ADAMTS20: variants seen among roughly 807,000 people sequenced by gnomAD.
ADAMTS20 encodes ADAM metallopeptidase with thrombospondin type 1 motif 20.
ADAMTS20 carries 225 observed loss-of-function variants against 260.1 expected under a neutral mutation model. The ratio of observed to expected loss-of-function variants is 0.87; its 90% CI spans 0.78 to 0.97. The LOEUF (loss-of-function observed/expected upper bound fraction) is 0.97, where lower values mean the gene tolerates loss of function less well. Among genes scored for constraint, ADAMTS20 ranks in the 50% least tolerant of loss-of-function variants. ADAMTS20 has a pLI of 0.00. For missense variants in ADAMTS20, 2,400 were observed against 2,337.7 expected (o/e 1.03, Z -0.55); for synonymous variants, 802 against 769.5 (o/e 1.04, Z -0.70).
intron 3 of ADAMTS20, among the ~76,000 whole-genome samples, chr12:43,522,995 G>T (rs1016592771): frequency 1.3e-5 from 2 of 152,172 alleles, no homozygotes; most frequent in Non-Finnish European, 2.9e-5. Flanking sequence ...ATCAGAAAAA[G>T]ATATCACTTT....
At chr12:43,470,611 C>G (rs1046398588) in intron 7 of ADAMTS20, among the ~76,000 whole-genome samples, 10 of 152,178 alleles carry the variant, frequency 6.6e-5, no homozygotes, top group Admixed American at 5.9e-4. Context: ...AAGCTTGATA[C>G]AGGTTCCCTG....
chr12:43,411,510 G>A (rs1415741144), intron 28 of ADAMTS20, among the ~76,000 whole-genome samples: 1 of 152,090 alleles, frequency 6.6e-6, no homozygotes, highest in Non-Finnish European at 1.5e-5. Context: ...TGGGATTACA[G>A]GCGCCCACCA....
intron 28 of ADAMTS20, among the ~76,000 whole-genome samples, chr12:43,411,585 C>A (rs1011698012): frequency 6.6e-6 from 1 of 152,004 alleles, no homozygotes; most frequent in Non-Finnish European, 1.5e-5. Flanking sequence ...CCAGGCTGGT[C>A]TTGAACTTCT....
chr12:43,358,904 A>G (rs1347997374), intron 37 of ADAMTS20, among the ~76,000 whole-genome samples: 5 of 151,828 alleles, frequency 3.3e-5, no homozygotes, highest in Admixed American at 3.3e-4. Context: ...GTACTTATAC[A>G]TTCCTATAGG....
rs1233297640 is a variant in ADAMTS20, at chr12:43,502,325, CTCTT to C, written c.690_693del (p.Arg231PhefsTer2). On this transcript the variant is annotated frameshift_variant, in exon 4 of 39. Transcript: ENST00000389420. LOFTEE classifies it high-confidence loss of function. The stretch of plus-strand genomic sequence containing the variant: ...ACATTTTTTGATGTGTGTCCTAAAA[CTCTT>C]TCTTTCATTACATTAAGATCTTCAT... The C allele has an allele frequency of 4.3e-6, 7 of 1,610,786 alleles. No homozygotes were observed. Among genetic ancestry groups the C allele is most frequent in the Non-Finnish European group, 5.9e-6 (7 of 1,178,976 alleles).
At chr12:43,532,553 A>ATTT (rs1592113547) in intron 2 of ADAMTS20, among the ~76,000 whole-genome samples, 1 of 71,858 alleles carries the variant, frequency 1.4e-5, no homozygotes, top group South Asian at 4.8e-4. Context: ...TTTTTTTTTA[A>ATTT]TGTTTTTTTT....
intron 31 of ADAMTS20, among the ~76,000 whole-genome samples, chr12:43,378,421 C>T (rs1000570028): frequency 6.6e-6 from 1 of 152,156 alleles, no homozygotes; most frequent in Non-Finnish European, 1.5e-5. Flanking sequence ...AATATAGTGC[C>T]TATTCCCTCC....
intron 24 of ADAMTS20, 74 bp from the exon 25 acceptor site, chr12:43,428,873 A>G: frequency 7.5e-7 from 1 of 1,326,254 alleles, no homozygotes; most frequent in Non-Finnish European, 1.0e-6. Context: ...CATAGCTGTT[A>G]CTCACATTTC....
At chr12:43,514,433 G>A (rs546314493) in intron 3 of ADAMTS20, among the ~76,000 whole-genome samples, 3 of 151,526 alleles carry the variant, frequency 2.0e-5, no homozygotes, top group African/African-American at 2.4e-5. Flanking sequence ...GTAGTGGCGC[G>A]TGCCTGTAAT....
intron 3 of ADAMTS20, among the ~76,000 whole-genome samples, chr12:43,509,493 CAG>C (rs1379796869): frequency 6.7e-6 from 1 of 150,202 alleles, no homozygotes; most frequent in Non-Finnish European, 1.5e-5. Context: ...GAACACACAA[CAG>C]TGTTAATAAA....
chr12:43,453,466 G>A (rs1374499478), intron 12 of ADAMTS20, among the ~76,000 whole-genome samples: 1 of 152,000 alleles, frequency 6.6e-6, no homozygotes, highest in Non-Finnish European at 1.5e-5. Flanking sequence ...TATAACACAA[G>A]AAGCAGAGAA....
intron 18 of ADAMTS20, among the ~76,000 whole-genome samples, chr12:43,438,080 G>T (rs1397286471): frequency 6.6e-6 from 1 of 152,012 alleles, no homozygotes; most frequent in Non-Finnish European, 1.5e-5. Context: ...CAAAAAAAGG[G>T]AATATAATCA....
chr12:43,479,875 T>C (rs1199076190), intron 7 of ADAMTS20, among the ~76,000 whole-genome samples: 2 of 151,946 alleles, frequency 1.3e-5, no homozygotes, highest in Non-Finnish European at 1.5e-5. Context: ...AAATAGTTGG[T>C]TCATTAAAAA....
Position 43,551,772 on chromosome 12 carries a change from G to T in ADAMTS20, c.91+59C>A. ...AGCCGCTCGTCCCCGCGACCTGCAT[G>T]TCCCACTCGGGCCCCGCGCCCCCAC... On this transcript the variant is annotated intron_variant, in intron 1 of 38. Coordinates refer to ENST00000389420, the MANE Select transcript of ADAMTS20 (RefSeq NM_025003.5). This position sits in a 1 kb window ranked among gnomAD's most constrained non-coding sequence, Gnocchi z 4.6. 6.5e-7 allele frequency: 1 copy of T among 1,550,134 alleles called. No individual in the cohort carries two copies.
intron 5 of ADAMTS20, 150 bp from the exon 6 acceptor site, chr12:43,492,779 C>T (rs777897242): frequency 1.9e-5 from 16 of 855,122 alleles, no homozygotes; most frequent in African/African-American, 3.4e-5. Flanking sequence ...TTAACTATAA[C>T]GTATTTTAGC....
chr12:43,539,109 C>T (rs275376), intron 2 of ADAMTS20, among the ~76,000 whole-genome samples: 47,964 of 151,838 alleles, frequency 0.32, 8,982 homozygotes, highest in Non-Finnish European at 0.42. Context: ...CCTGCCACCG[C>T]GCCCAGGTAA....
intron 7 of ADAMTS20, among the ~76,000 whole-genome samples, chr12:43,485,110 AAG>A (rs1565568255): frequency 2.2e-5 from 3 of 135,702 alleles, no homozygotes; most frequent in Admixed American, 7.5e-5. Context: ...AAAAAAAAAA[AAG>A]CAACAACAAC....
intron 36 of ADAMTS20, among the ~76,000 whole-genome samples, chr12:43,370,457 GGCATTTGTGGATTAT>G (rs1940082983): frequency 6.6e-6 from 1 of 152,130 alleles, no homozygotes; most frequent in Non-Finnish European, 1.5e-5. Flanking sequence ...ATTTATTTGT[GGCATTTGTGGATTAT>G]GCTGGGGCAG....
Position 43,356,476 on chromosome 12 carries a change from G to A in ADAMTS20, c.5643+8C>T. On this transcript the variant is annotated splice_region_variant and intron_variant, in intron 38 of 38. Coordinates refer to ENST00000389420, the MANE Select transcript of ADAMTS20 (RefSeq NM_025003.5). ...TTCAAACAGGCTTTTTGGTCCCGCA[G>A]GACTTACCTCTGATCTTCGTATGCT... 3 of 1,588,250 alleles carry A rather than the reference G, an allele frequency of 1.9e-6. No homozygotes were observed. The highest frequency in any genetic ancestry group is 1.1e-5 in the South Asian group (1 of 87,738).
Sources: gnomAD v4.1 joint callset for allele counts (sites outside exome capture counted in the v4.1 genomes callset) on GRCh38, gnomAD v4.1.1 for gene constraint, Gnocchi (gnomAD v3.1) non-coding constraint, MANE v1.5 for transcripts, NCBI Gene and HGNC (gene_info 2026-07-23, HGNC 2026-07-21) for gene names.